SNRPN: variants seen among roughly 807,000 people sequenced by gnomAD.
SNRPN encodes the protein small nuclear ribonucleoprotein-associated protein N.
In SNRPN, 7 loss-of-function variants were observed where a neutral mutation model predicts 25.2. The observed-to-expected ratio is 0.28, with a 90% CI of 0.16 to 0.52. The LOEUF is 0.52. Among genes scored for constraint, SNRPN ranks in the 20% least tolerant of loss-of-function variants. The probability of loss-of-function intolerance (pLI) is 0.96; values close to 1 mark genes in which losing one functional copy is unlikely to be tolerated. For synonymous variants in SNRPN, 124 were observed against 110.6 expected (o/e 1.12, Z -0.76); for missense variants, 196 against 322.5 (o/e 0.61, Z 3.00).
chr15:24,943,917 G>A (rs1403350998), intron 3 of SNRPN, among the ~76,000 whole-genome samples: 1 of 152,138 alleles, frequency 6.6e-6, no homozygotes, highest in African/African-American at 2.4e-5. Flanking sequence ...TGTCTCCCAG[G>A]TTCAAGCAAT....
Position 24,935,208 on chromosome 15 carries a change from G to C in SNRPN, c.-391+15084G>C, listed in dbSNP as rs146682014. Among the ~76,000 whole-genome samples, 655 of 151,904 alleles carry C rather than the reference G, an allele frequency of 4.3e-3. 7 individuals carry two copies. The highest frequency in any genetic ancestry group is 0.015 in the African/African-American group (620 of 41,322). ...AATTGCCTGAACCCGGGAGGTTGAGGTTGCAGTGAGCCGAGATCATGCCGC... is the reference window on the plus strand; with the variant it reads ...AATTGCCTGAACCCGGGAGGTTGAGCTTGCAGTGAGCCGAGATCATGCCGC... On this transcript the variant is annotated intron_variant, in intron 3 of 11. Transcript: ENST00000400097.
Position 24,834,559 on chromosome 15 carries a change from C to T in SNRPN, c.-579+4654C>T, listed in dbSNP as rs141406204. Among the ~76,000 whole-genome samples the T allele has an allele frequency of 3.8e-3, 577 of 151,494 alleles. 11 individuals are homozygous for T. Among genetic ancestry groups the T allele is most frequent in the African/African-American group, 0.013 (552 of 41,194 alleles). ...CAGCCTGAGCAACATAGCAAGAGCC[C>T]GTCTCTATAAAAAGTGTAAAAATCT... is the stretch of plus-strand genomic sequence containing the variant. On this transcript the variant is annotated intron_variant, in intron 2 of 12. Transcript: ENST00000400100.
In SNRPN at chr15:24,976,409, C is replaced by G. The variant is rs1481471945; in HGVS notation, c.260C>G (p.Pro87Arg). 7 of 1,605,670 alleles carry G rather than the reference C, an allele frequency of 4.4e-6. No homozygotes were observed. The highest frequency in any genetic ancestry group is 6.0e-6 in the Non-Finnish European group (7 of 1,174,284). Residue 87 changes from proline (P) to arginine (R), a missense_variant, in exon 6 of 10, where the codon CCC becomes CGC. Coordinates refer to ENST00000390687, the MANE Select transcript of SNRPN (RefSeq NM_003097.6). ...TCCATGACTGTGGAGGGGCCACCCCCCAAAGATGTAAGGAAGATGTAGGGC... is the reference window on the plus strand; with the variant it reads ...TCCATGACTGTGGAGGGGCCACCCCGCAAAGATGTAAGGAAGATGTAGGGC... Reference protein sequence around the residue: ...LVSMTVEGPPPKDTGIARVPL... With the variant: ...LVSMTVEGPPRKDTGIARVPL...
At chr15:24,923,436 C>T (rs1595926523) in intron 3 of SNRPN, among the ~76,000 whole-genome samples, 1 of 152,116 alleles carries the variant, frequency 6.6e-6, no homozygotes, top group Non-Finnish European at 1.5e-5. Flanking sequence ...CCTACAAAAC[C>T]ATGTGTACCT....
At chr15:24,886,056 TAGTC>T (rs139367123) in intron 1 of SNRPN, among the ~76,000 whole-genome samples, 7,857 of 152,154 alleles carry the variant, frequency 0.052, 262 homozygotes, top group Non-Finnish European at 0.073. Context: ...AACCAAACAT[TAGTC>T]AGGCTCCGGA....
intron 2 of SNRPN, among the ~76,000 whole-genome samples, chr15:24,911,440 G>T (rs900361624): frequency 6.6e-6 from 1 of 152,104 alleles, no homozygotes; most frequent in African/African-American, 2.4e-5. Flanking sequence ...TAAGGAAGGA[G>T]CCCAGGATTC....
At chr15:24,827,851 A>T (rs113938378) in intron 1 of SNRPN, among the ~76,000 whole-genome samples, 5,431 of 141,516 alleles carry the variant, frequency 0.038, 158 homozygotes, top group Admixed American at 0.058. Context: ...TGGGTGACAA[A>T]GCGAGACTCC....
intron 2 of SNRPN, among the ~76,000 whole-genome samples, chr15:24,831,806 C>A (rs559248118): frequency 6.6e-6 from 1 of 152,154 alleles, no homozygotes; most frequent in South Asian, 2.1e-4. Flanking sequence ...GACAGTAATT[C>A]TCCCTTTTTA....
intron 1 of SNRPN, among the ~76,000 whole-genome samples, chr15:24,865,864 C>T (rs187866787): frequency 6.6e-6 from 1 of 152,200 alleles, no homozygotes; most frequent in African/African-American, 2.4e-5. Context: ...CACTTCCTGT[C>T]CCATCATGAC....
chr15:24,947,414 A>G (rs1265659565), intron 3 of SNRPN, among the ~76,000 whole-genome samples: 2 of 152,204 alleles, frequency 1.3e-5, no homozygotes, highest in Non-Finnish European at 2.9e-5. Flanking sequence ...GTGGATCACG[A>G]GGTCAGGAGT....
At chr15:24,900,723 T>C (rs2058389746) in intron 2 of SNRPN, among the ~76,000 whole-genome samples, 1 of 152,126 alleles carries the variant, frequency 6.6e-6, no homozygotes, top group African/African-American at 2.4e-5. Context: ...GGAAGAGCAT[T>C]CTAAGGCCGT....
chr15:24,876,057 A>AG (rs1446747925), intron 1 of SNRPN, among the ~76,000 whole-genome samples: 13 of 151,346 alleles, frequency 8.6e-5, no homozygotes. Context: ...TTGTCTCAAA[A>AG]AAAAAAGAAA....
chr15:24,959,429 T>C (rs909557064), intron 1 of SNRPN, among the ~76,000 whole-genome samples: 4 of 152,298 alleles, frequency 2.6e-5, no homozygotes, highest in Admixed American at 2.6e-4. Context: ...GAGTTCAAGC[T>C]TGGGTATTGA....
At chr15:24,922,208 C>T (rs115057493) in intron 3 of SNRPN, among the ~76,000 whole-genome samples, 1,992 of 152,092 alleles carry the variant, frequency 0.013, 40 homozygotes, top group Middle Eastern at 0.068. Flanking sequence ...AGCAAAACTC[C>T]GTCTCAAAAA....
At chr15:24,919,973 C>T (rs2152525001) in intron 2 of SNRPN, 1 of 152,252 alleles carries the variant, frequency 6.6e-6, no homozygotes, top group South Asian at 2.1e-4. Flanking sequence ...TTTTGAATGA[C>T]CTGATATATC....
intron 2 of SNRPN, among the ~76,000 whole-genome samples, chr15:24,834,863 T>C (rs1844810473): frequency 7.4e-6 from 1 of 134,890 alleles, no homozygotes; most frequent in East Asian, 2.1e-4. Flanking sequence ...TAGGTGGAGG[T>C]TAAAGTGAGC....
At chr15:24,875,577 A>T (rs997250391) in intron 1 of SNRPN, among the ~76,000 whole-genome samples, 1 of 152,152 alleles carries the variant, frequency 6.6e-6, no homozygotes, top group African/African-American at 2.4e-5. Flanking sequence ...TTCCTAGAAC[A>T]TTGATAGAAA....
intron 2 of SNRPN, among the ~76,000 whole-genome samples, chr15:24,838,040 T>TA (rs1479953668): frequency 1.6e-5 from 1 of 61,862 alleles, no homozygotes; most frequent in African/African-American, 4.2e-5. Context: ...TATTTATTTA[T>TA]TTTTTTTTTT....
At chr15:24,956,990 G>C (rs2153389503) in intron 1 of SNRPN, among the ~76,000 whole-genome samples, 1 of 152,266 alleles carries the variant, frequency 6.6e-6, no homozygotes, top group East Asian at 1.9e-4. Context: ...TTGGTTTTCT[G>C]ACTCCCTGGA....
Sources: allele counts gnomAD v4.1 joint callset (sites outside exome capture counted in the v4.1 genomes callset), GRCh38; gene constraint gnomAD v4.1.1; transcripts MANE v1.5; gene names NCBI Gene and HGNC (gene_info 2026-07-23, HGNC 2026-07-21).